GPSM2: variants seen among roughly 807,000 people sequenced by gnomAD.
The protein encoded by GPSM2 is G protein signaling modulator 2.
In GPSM2, 58 loss-of-function variants were observed where a neutral mutation model predicts 78.4. The observed-to-expected ratio is 0.74, with a 90% CI of 0.60 to 0.92. The LOEUF (loss-of-function observed/expected upper bound fraction) is 0.92. GPSM2 is among the 40% of genes least tolerant of loss of function. The pLI, the probability that GPSM2 is intolerant of heterozygous loss-of-function variation, is 0.00. For missense variants in GPSM2, 700 were observed against 815.5 expected, an observed-to-expected ratio of 0.86 and a Z score of 1.73; for synonymous variants, 224 against 280.2, an observed-to-expected ratio of 0.80 and a Z score of 2.00.
At chr1:108,897,267 G>A (rs536681655) in intron 3 of GPSM2, among the ~76,000 whole-genome samples, 182 bp downstream of exon 3, 150 of 152,208 alleles carry the variant, frequency 9.9e-4, no homozygotes, top group Middle Eastern at 3.4e-3. Context: ...GTAGTGAATT[G>A]ACCCTAGAGT....
At chr1:108,889,126 T>G (rs1647779728) in intron 2 of GPSM2, among the ~76,000 whole-genome samples, 2 of 152,234 alleles carry the variant, frequency 1.3e-5, no homozygotes, top group Admixed American at 1.3e-4. Flanking sequence ...CACTTGAACA[T>G]AAATTTAATT....
At chr1:108,890,021 A>G (rs79299296) in intron 2 of GPSM2, among the ~76,000 whole-genome samples, 4,507 of 152,112 alleles carry the variant, frequency 0.03, 79 homozygotes, top group Non-Finnish European at 0.046. Flanking sequence ...TTCTTTGTTT[A>G]GCTAATTCTA....
chr1:108,932,248 T>C lies in GPSM2; in HGVS notation c.*2308T>C, dbSNP rs1004743606. Reference sequence around the variant, plus strand: ...GAGATTGTACCACCTCACTCCAGCCTGGGTGACAGAGCAAAACTCTCAAAA... The same window carrying C: ...GAGATTGTACCACCTCACTCCAGCCCGGGTGACAGAGCAAAACTCTCAAAA... On this transcript the variant is annotated 3_prime_UTR_variant, in exon 15 of 15. Transcript: ENST00000264126. The C allele has an allele frequency of 6.6e-6, 1 of 152,142 alleles. No individual in the cohort carries two copies. The highest frequency in any genetic ancestry group is 1.5e-5 in the Non-Finnish European group (1 of 68,042). 9.4% of individuals were successfully genotyped at this position (152,142 alleles called of 1,614,324 possible).
Position 108,923,923 on chromosome 1 carries a change from TAATA to T in GPSM2, c.1601-73_1601-70del, listed in dbSNP as rs1273556271. On this transcript the variant is annotated intron_variant, in intron 13 of 14. Coordinates refer to ENST00000264126, the MANE Select transcript of GPSM2 (RefSeq NM_013296.5). ...GCAAGGCCGAAAAGATCTAGGTATA[TAATA>T]AATGTGCCTAGGTTTTTTTGTTTTT... 6 of 1,054,104 alleles carry T rather than the reference TAATA, an allele frequency of 5.7e-6. 1 individual carries two copies. Among genetic ancestry groups the T allele is most frequent in the Middle Eastern group, 2.0e-4 (1 of 4,904 alleles). The allele number at this position is 1,054,104 out of a possible 1,614,324, so 65.3% of individuals were successfully genotyped here. A position where few individuals can be genotyped will look rare whatever the true frequency, so the allele number is the denominator to read the frequency against.
At chr1:108,905,958 A>G (rs887039748) in intron 10 of GPSM2, among the ~76,000 whole-genome samples, 1 of 152,272 alleles carries the variant, frequency 6.6e-6, no homozygotes, top group East Asian at 1.9e-4. Flanking sequence ...AGATAATCTC[A>G]TCCAGTTACT....
intron 3 of GPSM2, among the ~76,000 whole-genome samples, 194 bp downstream of exon 3, chr1:108,897,279 TAA>T (rs918297897): frequency 6.6e-6 from 1 of 152,218 alleles, no homozygotes; most frequent in Non-Finnish European, 1.5e-5. Context: ...CCCTAGAGTT[TAA>T]TTAAATGGAT....
chr1:108,893,987 G>A (rs1241065578), intron 2 of GPSM2, among the ~76,000 whole-genome samples: 6 of 152,024 alleles, frequency 3.9e-5, no homozygotes, highest in African/African-American at 1.4e-4. Context: ...CCCAGGAGGC[G>A]GAGGTTGCAG....
At chr1:108,929,502 C>G in intron 14 of GPSM2, 199 bp from the exon 15 acceptor site, 1 of 604,624 alleles carries the variant, frequency 1.7e-6, no homozygotes, top group Non-Finnish European at 2.9e-6. Flanking sequence ...AAATTTTATG[C>G]AGTTTCAGGT....
At chr1:108,915,715 G>A (rs1650160642) in intron 11 of GPSM2, among the ~76,000 whole-genome samples, 1 of 151,954 alleles carries the variant, frequency 6.6e-6, no homozygotes, top group African/African-American at 2.4e-5. Context: ...GTGAGCCACT[G>A]CTCCTGGCCT....
intron 10 of GPSM2, among the ~76,000 whole-genome samples, chr1:108,910,926 A>T (rs1054261438): frequency 6.6e-6 from 1 of 152,198 alleles, no homozygotes; most frequent in Non-Finnish European, 1.5e-5. Flanking sequence ...TCACTAATGA[A>T]CATAGTAAAG....
chr1:108,912,097 C>G (rs1487034091), intron 10 of GPSM2, among the ~76,000 whole-genome samples: 1 of 152,036 alleles, frequency 6.6e-6, no homozygotes, highest in African/African-American at 2.4e-5. Context: ...CATGCACCAC[C>G]GTGCCCGGCT....
At chr1:108,882,970 A>T (rs1018911378) in intron 1 of GPSM2, among the ~76,000 whole-genome samples, 1 of 152,178 alleles carries the variant, frequency 6.6e-6, no homozygotes, top group Non-Finnish European at 1.5e-5. Flanking sequence ...TGGGAGGTTG[A>T]AGCGAGAGGA....
At chr1:108,879,087 TCTTG>T (rs1351850880) in intron 1 of GPSM2, among the ~76,000 whole-genome samples, 19 of 152,268 alleles carry the variant, frequency 1.2e-4, no homozygotes, top group Admixed American at 6.5e-5. Flanking sequence ...GTTGGAACTA[TCTTG>T]CTTCATTATT....
chr1:108,884,304 T>C (rs1647361450), intron 1 of GPSM2, among the ~76,000 whole-genome samples: 1 of 152,060 alleles, frequency 6.6e-6, no homozygotes, highest in Non-Finnish European at 1.5e-5. Context: ...CATTTTGTTT[T>C]GGGGCAGGGT....
At chr1:108,927,794 A>T (rs2101562615) in intron 14 of GPSM2, among the ~76,000 whole-genome samples, 1 of 152,116 alleles carries the variant, frequency 6.6e-6, no homozygotes, top group Middle Eastern at 3.4e-3. Flanking sequence ...GCATAGTGAG[A>T]CCCCATCTCT....
chr1:108,931,516 A>C lies in GPSM2; in HGVS notation c.*1576A>C. ...ATGGGATCTGGGGATGTGGACCCCT[A>C]TTCTTTCAAAAAGTCATTCAGGTGA... On this transcript the variant is annotated 3_prime_UTR_variant, in exon 15 of 15. Transcript: ENST00000264126. The C allele has an allele frequency of 6.5e-7, 1 of 1,532,476 alleles. No individual in the cohort carries two copies. The allele number at this position is 1,532,476 out of a possible 1,614,324, so 94.9% of individuals were successfully genotyped here. A position where few individuals can be genotyped will look rare whatever the true frequency, so the allele number is the denominator to read the frequency against.
intron 2 of GPSM2, among the ~76,000 whole-genome samples, chr1:108,887,961 T>C (rs1570882299): frequency 6.6e-6 from 1 of 152,258 alleles, no homozygotes; most frequent in African/African-American, 2.4e-5. Context: ...ATTAATATTC[T>C]GCAAGTTCTG....
At chr1:108,919,169 G>C (rs1027185673) in intron 12 of GPSM2, among the ~76,000 whole-genome samples, 1 of 151,914 alleles carries the variant, frequency 6.6e-6, no homozygotes, top group African/African-American at 2.4e-5. Flanking sequence ...CACCATGCCC[G>C]GCTAATTTTT....
chr1:108,921,226 C>T (rs1650685734), intron 12 of GPSM2, among the ~76,000 whole-genome samples: 1 of 152,118 alleles, frequency 6.6e-6, no homozygotes, highest in African/African-American at 2.4e-5. Flanking sequence ...TTGAGACCAG[C>T]TTGGCCAACA....
Sources: gnomAD v4.1 joint callset for allele counts (sites outside exome capture counted in the v4.1 genomes callset) on GRCh38, gnomAD v4.1.1 for gene constraint, MANE v1.5 for transcripts, NCBI Gene and HGNC (gene_info 2026-07-23, HGNC 2026-07-21) for gene names.